Variants in PPP2R2C observed in about 807,000 individuals in gnomAD.
PPP2R2C encodes protein phosphatase 2, regulatory subunit B, gamma.
A neutral mutation model predicts 45.3 loss-of-function variants in PPP2R2C; 10 were observed. The observed-to-expected ratio is 0.22, with a 90% CI of 0.14 to 0.37. PPP2R2C has a LOEUF of 0.37. Among genes scored for constraint, PPP2R2C ranks in the 10% least tolerant of loss-of-function variants. PPP2R2C has a pLI of 1.00. For synonymous variants in PPP2R2C, 257 were observed against 245.4 expected (o/e 1.05, Z -0.44); for missense variants, 308 against 619.7 (o/e 0.50, Z 5.34).
At chr4:6,512,254 A>G (rs369026655) in intron 2 of PPP2R2C, among the ~76,000 whole-genome samples, 1,499 of 5,642 alleles carry the variant, frequency 0.27, no homozygotes, top group Middle Eastern at 0.33. Context: ...GGTGGTGGTG[A>G]TGGTGGTGGT....
At position 6,368,060 on chromosome 4, in the gene PPP2R2C, C is replaced by T. The variant is rs577758194; in HGVS notation, c.625+4463G>A. Among the ~76,000 whole-genome samples the T allele has an allele frequency of 2.3e-4, 35 of 152,354 alleles. No homozygotes were observed. Among genetic ancestry groups the T allele is most frequent in the South Asian group, 6.2e-4 (3 of 4,822 alleles). The stretch of plus-strand genomic sequence containing the variant: ...CACAGAGATCTGACACTGAGTTACA[C>T]GGCAGGGTGTGCGGCCAGGGATGTT... On this transcript the variant is annotated intron_variant, in intron 5 of 8. Transcript: ENST00000382599. This position sits in a 1 kb window ranked among gnomAD's most constrained non-coding sequence, Gnocchi z 4.2.
At position 6,440,138 on chromosome 4, in the gene PPP2R2C, T is replaced by A. The variant is rs1331352260; in HGVS notation, c.70+32022A>T. Among the ~76,000 whole-genome samples the A allele has an allele frequency of 9.2e-5, 14 of 152,074 alleles. 1 individual carries two copies. The highest frequency in any genetic ancestry group is 7.9e-4 in the Admixed American group (12 of 15,264). On this transcript the variant is annotated intron_variant, in intron 1 of 8. Transcript: ENST00000382599. ...ATGGTTGTCTTTCTGTCCACCTCTA[T>A]CTCCCTTCACATGGGTATGACCATA... is the stretch of plus-strand genomic sequence containing the variant.
intron 1 of PPP2R2C, among the ~76,000 whole-genome samples, chr4:6,395,789 G>A (rs1471654350): frequency 6.6e-6 from 1 of 152,190 alleles, no homozygotes; most frequent in African/African-American, 2.4e-5. Flanking sequence ...TTGAGCTGTG[G>A]CTGATCTCCT....
chr4:6,408,764 G>A (rs879566450), intron 1 of PPP2R2C, among the ~76,000 whole-genome samples: 19 of 152,192 alleles, frequency 1.2e-4, no homozygotes, highest in African/African-American at 3.4e-4. Context: ...CTCCAAGGGC[G>A]GAGGATGCAG....
At position 6,557,031 on chromosome 4, in the gene PPP2R2C, A is replaced by G. The variant is rs528873947; in HGVS notation, c.-59+6529T>C. Among the ~76,000 whole-genome samples the G allele has an allele frequency of 2.6e-5, 4 of 152,276 alleles. No individual in the cohort carries two copies. In the South Asian group the frequency reaches 8.3e-4, roughly 32 times the overall value. On this transcript the variant is annotated intron_variant, in intron 1 of 9. Transcript: ENST00000506140. ...TCCAGGCACAGACCAGGGCAGAGAGAAGCTGGGGCTGGAAAGGAACAAGGG... is the reference window on the plus strand; with the variant it reads ...TCCAGGCACAGACCAGGGCAGAGAGGAGCTGGGGCTGGAAAGGAACAAGGG...
intron 1 of PPP2R2C, among the ~76,000 whole-genome samples, chr4:6,434,370 TTTTTTG>T (rs1719785246): frequency 7.1e-6 from 1 of 141,680 alleles, no homozygotes; most frequent in Non-Finnish European, 1.6e-5. Flanking sequence ...TTTTTTTTTT[TTTTTTG>T]GAGACAGAGT....
At chr4:6,525,261 C>T (rs894981833) in intron 2 of PPP2R2C, among the ~76,000 whole-genome samples, 2 of 151,766 alleles carry the variant, frequency 1.3e-5, no homozygotes, top group Admixed American at 6.6e-5. Flanking sequence ...AAAAATTAGC[C>T]GGGCATGGTG....
chr4:6,519,511 G>C lies in PPP2R2C; in HGVS notation c.49+15760C>G, dbSNP rs902544096. Among the ~76,000 whole-genome samples, 2 of 152,186 alleles carry C rather than the reference G, an allele frequency of 1.3e-5. 1 individual carries two copies. Among genetic ancestry groups the C allele is most frequent in the Non-Finnish European group, 2.9e-5 (2 of 68,028 alleles). On this transcript the variant is annotated intron_variant, in intron 2 of 9. Coordinates refer to the PPP2R2C transcript ENST00000506140. ...CCTCCCTCTCCTCTGCAGCCACACAGGCCTCTGGGCCATGCTGCCTCCTGC... is the reference window on the plus strand; with the variant it reads ...CCTCCCTCTCCTCTGCAGCCACACACGCCTCTGGGCCATGCTGCCTCCTGC...
Position 6,347,982 on chromosome 4 carries a change from C to CACCGGCTTG in PPP2R2C, c.653_654insCAAGCCGGT (p.Met218delinsIleLysProVal), listed in dbSNP as rs1413536230. The stretch of plus-strand genomic sequence containing the variant: ...CTGTGATCACCTCCGTAAGGTCCTC[C>CACCGGCTTG]ATGTTGGCCGGCTTGATGTCCACGA... On this transcript the variant is annotated protein_altering_variant, in exon 6 of 9. Transcript: ENST00000382599. 6.2e-7 allele frequency: 1 copy of CACCGGCTTG among 1,614,006 alleles called. No individual in the cohort carries two copies. The highest frequency in any genetic ancestry group is 8.5e-7 in the Non-Finnish European group (1 of 1,179,980).
At chr4:6,517,770 G>A (rs940678808) in intron 2 of PPP2R2C, among the ~76,000 whole-genome samples, 7 of 152,182 alleles carry the variant, frequency 4.6e-5, no homozygotes, top group Admixed American at 4.6e-4. Flanking sequence ...GTGGGAAGAA[G>A]GGGAAATACT....
At chr4:6,544,659 T>C (rs1724916876) in intron 1 of PPP2R2C, among the ~76,000 whole-genome samples, 1 of 152,210 alleles carries the variant, frequency 6.6e-6, no homozygotes, top group African/African-American at 2.4e-5. Context: ...CTAAATTGTA[T>C]GTGATTATTT....
chr4:6,416,220 C>T (rs575707534), intron 1 of PPP2R2C, among the ~76,000 whole-genome samples: 1 of 90,936 alleles, frequency 1.1e-5, no homozygotes, highest in South Asian at 3.8e-4. Context: ...ACCCGTGTGC[C>T]CAGCCCTGGG....
intron 1 of PPP2R2C, among the ~76,000 whole-genome samples, chr4:6,394,311 G>T (rs974628913): frequency 6.6e-6 from 1 of 152,206 alleles, no homozygotes; most frequent in Non-Finnish European, 1.5e-5. Context: ...CATATTCAAG[G>T]TTGATGGTGA....
chr4:6,472,393 G>T lies in PPP2R2C; in HGVS notation c.-164C>A. On this transcript the variant is annotated 5_prime_UTR_variant, in exon 1 of 9. Transcript: ENST00000382599. The stretch of plus-strand genomic sequence containing the variant: ...CGCGGCAGGGGGACGGGCGGGGGCG[G>T]CCGGGGGCGGGCGCCGCGGTCAAGC... The T allele has an allele frequency of 6.8e-6, 6 of 887,424 alleles. No individual in the cohort carries two copies. Among genetic ancestry groups the T allele is most frequent in the Non-Finnish European group, 6.8e-6 (5 of 739,866 alleles). 55.0% of individuals were successfully genotyped at this position (887,424 alleles called of 1,614,324 possible). A position where few individuals can be genotyped will look rare whatever the true frequency, so the allele number is the denominator to read the frequency against.
chr4:6,526,895 C>T (rs897858433), intron 2 of PPP2R2C, among the ~76,000 whole-genome samples: 3 of 152,190 alleles, frequency 2.0e-5, no homozygotes, highest in African/African-American at 7.2e-5. Flanking sequence ...GGGGGACAGC[C>T]ATCACGGTAG....
intron 2 of PPP2R2C, among the ~76,000 whole-genome samples, chr4:6,529,946 G>A (rs767242971): frequency 1.9e-4 from 29 of 152,080 alleles, no homozygotes; most frequent in African/African-American, 6.5e-4. Flanking sequence ...CACGAGTGAC[G>A]GAGCCCACTA....
chr4:6,483,460 T>C (rs1032854692), intron 2 of PPP2R2C, among the ~76,000 whole-genome samples: 35 of 152,170 alleles, frequency 2.3e-4, no homozygotes, highest in Admixed American at 2.2e-3. Context: ...TTTTTAATGA[T>C]AGCCATTCTA....
chr4:6,384,127 C>T (rs1373870213), intron 1 of PPP2R2C: 36 of 985,386 alleles, frequency 3.7e-5, no homozygotes, highest in African/African-American at 7.0e-5. Flanking sequence ...ATTGTCCCTC[C>T]GTGGGGCAGC....
intron 1 of PPP2R2C, among the ~76,000 whole-genome samples, chr4:6,548,489 C>T (rs781415056): frequency 5.9e-5 from 9 of 152,186 alleles, no homozygotes; most frequent in Non-Finnish European, 1.0e-4. Flanking sequence ...GACAGCACAG[C>T]GACTCCTGAA....
Sources: gnomAD v4.1 joint callset for allele counts (sites outside exome capture counted in the v4.1 genomes callset) on GRCh38, gnomAD v4.1.1 for gene constraint, Gnocchi (gnomAD v3.1) non-coding constraint, MANE v1.5 for transcripts, NCBI Gene and HGNC (gene_info 2026-07-23, HGNC 2026-07-21) for gene names.